Variants in PPM1H observed in about 807,000 individuals in gnomAD.
PPM1H encodes the protein protein phosphatase 1H.
PPM1H carries 27 observed loss-of-function variants against 54.9 expected under a neutral mutation model. That is an observed-to-expected ratio of 0.49 (90% confidence interval 0.36 to 0.68). The LOEUF (loss-of-function observed/expected upper bound fraction) is 0.68, where lower values mean the gene tolerates loss of function less well. Ranked by LOEUF, PPM1H falls within the 30% of genes least tolerant of loss-of-function variation. PPM1H has a pLI of 0.00. For missense variants in PPM1H, 596 were observed against 667.8 expected (o/e 0.89, Z 1.19); for synonymous variants, 305 against 270.8 (o/e 1.13, Z -1.24).
intron 1 of PPM1H, among the ~76,000 whole-genome samples, chr12:62,839,855 T>A (rs1868658845): frequency 1.4e-5 from 2 of 143,934 alleles, no homozygotes; most frequent in Non-Finnish European, 3.0e-5. Context: ...CTGGTCAACA[T>A]GGTGTGATCC....
At chr12:62,881,308 A>G (rs1410925878) in intron 1 of PPM1H, among the ~76,000 whole-genome samples, 1 of 152,176 alleles carries the variant, frequency 6.6e-6, no homozygotes, top group Non-Finnish European at 1.5e-5. Context: ...GCTGCTGTGA[A>G]GGGATTTTGC....
chr12:62,910,089 G>C (rs909509389), intron 1 of PPM1H, among the ~76,000 whole-genome samples: 3 of 152,118 alleles, frequency 2.0e-5, no homozygotes, highest in African/African-American at 7.2e-5. Context: ...GTGGTGGGGA[G>C]GCCATTCTCC....
intron 4 of PPM1H, among the ~76,000 whole-genome samples, chr12:62,760,130 C>T (rs78077108): frequency 0.098 from 14,959 of 152,136 alleles, 796 homozygotes; most frequent in South Asian, 0.19. Flanking sequence ...AGTACAAACT[C>T]GACAATGGTT....
intron 4 of PPM1H, among the ~76,000 whole-genome samples, chr12:62,756,792 G>A (rs142791757): frequency 6.6e-6 from 1 of 152,268 alleles, no homozygotes; most frequent in Non-Finnish European, 1.5e-5. Flanking sequence ...AACTGTGGGA[G>A]CAGCCTCTAT....
chr12:62,788,229 C>G lies in PPM1H; in HGVS notation c.866G>C (p.Ser289Thr). Reference protein sequence around the residue: ...GKLYVANAGDSRAIIIRNGEI... With the variant: ...GKLYVANAGDTRAIIIRNGEI... Reference sequence around the variant, plus strand: ...ATCAGACAGCTCATCTGCTTACCTGCTATCCCCAGCATTTGCAACATACAG... The same window carrying G: ...ATCAGACAGCTCATCTGCTTACCTGGTATCCCCAGCATTTGCAACATACAG... The change falls in exon 4 of 10, where the codon AGC (serine) becomes ACC (threonine). Residue 289 changes from serine to threonine, a missense_variant. By Grantham distance (58) the Ser-to-Thr change is moderately conservative (BLOSUM62 1). This residue lies in a region of PPM1H where 382 missense variants were observed against 387.1 expected (regional missense o/e 0.99). Transcript: ENST00000228705. 6.3e-7 allele frequency: 1 copy of G among 1,579,412 alleles called. No homozygotes were observed. Among genetic ancestry groups the G allele is most frequent in the Non-Finnish European group, 8.6e-7 (1 of 1,157,334 alleles).
intron 1 of PPM1H, among the ~76,000 whole-genome samples, chr12:62,921,171 C>T (rs553183167): frequency 9.2e-5 from 14 of 152,132 alleles, no homozygotes; most frequent in East Asian, 7.7e-4. Flanking sequence ...GTGATCCACC[C>T]GCCCGCCTCG....
At chr12:62,693,655 T>A (rs984890549) in intron 7 of PPM1H, among the ~76,000 whole-genome samples, 43 of 152,342 alleles carry the variant, frequency 2.8e-4, no homozygotes, top group African/African-American at 1.0e-3. Context: ...GGTTCATGTT[T>A]AAACACTGTA....
At chr12:62,822,917 GAC>G (rs1279279695) in intron 2 of PPM1H, among the ~76,000 whole-genome samples, 3 of 152,082 alleles carry the variant, frequency 2.0e-5, no homozygotes, top group Non-Finnish European at 2.9e-5. Context: ...AGGAGATAGA[GAC>G]ACAAAAAACC....
intron 3 of PPM1H, among the ~76,000 whole-genome samples, chr12:62,792,325 T>C (rs2076705489): frequency 6.6e-6 from 1 of 152,240 alleles, no homozygotes. Flanking sequence ...ATTTTTTTTC[T>C]AACTGATTTC....
intron 1 of PPM1H, among the ~76,000 whole-genome samples, chr12:62,926,200 G>C (rs982617490): frequency 2.0e-5 from 3 of 152,190 alleles, no homozygotes; most frequent in Admixed American, 6.5e-5. Flanking sequence ...GTGCCCTGGT[G>C]AAAGACTGAA....
chr12:62,664,106 G>T (rs2075903266), intron 9 of PPM1H, among the ~76,000 whole-genome samples: 1 of 151,902 alleles, frequency 6.6e-6, no homozygotes. Flanking sequence ...TTTCTCTGTG[G>T]TTAAGGGTAT....
chr12:62,783,005 A>G (rs1239983162), intron 4 of PPM1H, among the ~76,000 whole-genome samples: 1 of 151,752 alleles, frequency 6.6e-6, no homozygotes, highest in Non-Finnish European at 1.5e-5. Context: ...ATGTATATAT[A>G]TATTTTTGTA....
chr12:62,889,849 A>G (rs1423218832), intron 1 of PPM1H, among the ~76,000 whole-genome samples: 1 of 152,250 alleles, frequency 6.6e-6, no homozygotes, highest in African/African-American at 2.4e-5. Context: ...TAGAAAATCT[A>G]CGTGGCCTTG....
chr12:62,900,557 G>A (rs1316073538), intron 1 of PPM1H, among the ~76,000 whole-genome samples: 1 of 100,412 alleles, frequency 1.0e-5, no homozygotes, highest in African/African-American at 3.6e-5. Flanking sequence ...TAATAATAAA[G>A]AAAGAAGGGA....
chr12:62,885,217 T>A (rs1312605175), intron 1 of PPM1H, among the ~76,000 whole-genome samples: 2 of 152,118 alleles, frequency 1.3e-5, no homozygotes, highest in African/African-American at 2.4e-5. Context: ...ACATGGGAAT[T>A]CTAGGAGATA....
intron 1 of PPM1H, among the ~76,000 whole-genome samples, chr12:62,879,808 G>A (rs1353644102): frequency 6.6e-6 from 1 of 152,054 alleles, no homozygotes; most frequent in Non-Finnish European, 1.5e-5. Context: ...GTTCTGTAGT[G>A]CTTAAAACTG....
intron 1 of PPM1H, among the ~76,000 whole-genome samples, chr12:62,863,229 A>G (rs986105288): frequency 2.6e-4 from 39 of 151,704 alleles, no homozygotes; most frequent in African/African-American, 9.4e-4. Flanking sequence ...GGGTCTCACC[A>G]TGTTGCCAAG....
intron 2 of PPM1H, among the ~76,000 whole-genome samples, chr12:62,817,641 C>G (rs983903136): frequency 6.6e-6 from 1 of 152,014 alleles, no homozygotes; most frequent in Non-Finnish European, 1.5e-5. Flanking sequence ...CTGATGAGGG[C>G]GAAATATTCC....
intron 8 of PPM1H, among the ~76,000 whole-genome samples, chr12:62,683,033 T>TTTTTTTTTA (rs1491110813): frequency 2.2e-3 from 288 of 133,664 alleles, no homozygotes; most frequent in Non-Finnish European, 3.3e-3. Flanking sequence ...GAGTTTATTA[T>TTTTTTTTTA]TTATTATTAT....
Sources: allele counts gnomAD v4.1 joint callset (sites outside exome capture counted in the v4.1 genomes callset), GRCh38; gene constraint gnomAD v4.1.1; regional missense constraint gnomAD v4.1.1; transcripts MANE v1.5; gene names NCBI Gene and HGNC (gene_info 2026-07-23, HGNC 2026-07-21).